Variants in GNB4 observed in about 807,000 individuals in gnomAD.
GNB4 encodes the protein guanine nucleotide-binding protein subunit beta-4.
In GNB4, 28 loss-of-function variants were observed where a neutral mutation model predicts 45.2. The observed-to-expected ratio is 0.62, with a 90% CI of 0.46 to 0.85. GNB4 has a LOEUF of 0.85. Ranked by LOEUF, GNB4 falls within the 40% of genes least tolerant of loss-of-function variation. GNB4 has a pLI of 0.00. For synonymous variants in GNB4, 132 were observed against 143.7 expected (o/e 0.92, Z 0.58); for missense variants, 321 against 425.4 (o/e 0.75, Z 2.16).
At chr3:179,408,218 G>GA (rs756814307) in intron 8 of GNB4, among the ~76,000 whole-genome samples, 2 of 151,762 alleles carry the variant, frequency 1.3e-5, no homozygotes, top group Admixed American at 6.6e-5. Flanking sequence ...TTAATCAGTT[G>GA]AAAAAAACAG....
chr3:179,482,995 C>T, the GNB4 span, among the ~76,000 whole-genome samples: 2,121 of 152,206 alleles, frequency 0.014, 24 homozygotes, highest in South Asian at 0.055. Context: ...ATCCATTGCA[C>T]CAGTTGTCTG....
the GNB4 span, among the ~76,000 whole-genome samples, chr3:179,520,635 T>C: frequency 2.0e-5 from 3 of 152,126 alleles, no homozygotes; most frequent in African/African-American, 7.2e-5. Context: ...TACTTTCTGC[T>C]CCCCGGCTCC....
chr3:179,423,048 C>T (rs1014213730), intron 2 of GNB4, among the ~76,000 whole-genome samples: 2 of 152,154 alleles, frequency 1.3e-5, no homozygotes, highest in Non-Finnish European at 1.5e-5. Context: ...GCCTCAGCCT[C>T]CCAAAGTGCT....
chr3:179,420,493 A>C (rs1451927972), intron 3 of GNB4, among the ~76,000 whole-genome samples: 1 of 148,654 alleles, frequency 6.7e-6, no homozygotes, highest in African/African-American at 2.5e-5. Flanking sequence ...ACGGCGTCTC[A>C]CTCTTCTCGC....
At chr3:179,435,883 T>C (rs1410656884) in intron 1 of GNB4, among the ~76,000 whole-genome samples, 2 of 152,234 alleles carry the variant, frequency 1.3e-5, no homozygotes, top group African/African-American at 4.8e-5. Context: ...TACACTTGCA[T>C]AATTCGAATG....
At chr3:179,499,093 CT>C in the GNB4 span, among the ~76,000 whole-genome samples, 1 of 151,422 alleles carries the variant, frequency 6.6e-6, no homozygotes, top group Non-Finnish European at 1.5e-5. Context: ...AGGACATTAA[CT>C]CATCCTTTTT....
chr3:179,402,747 G>A (rs1287740112), intron 9 of GNB4, among the ~76,000 whole-genome samples: 5 of 152,170 alleles, frequency 3.3e-5, no homozygotes, highest in African/African-American at 1.2e-4. Flanking sequence ...GTCCCTACTA[G>A]GTAGAACCAG....
the GNB4 span, among the ~76,000 whole-genome samples, chr3:179,498,748 G>GTTTTTTTTTTTTTTTTTTTTTTTTT: frequency 8.5e-6 from 1 of 117,596 alleles, no homozygotes; most frequent in Non-Finnish European, 1.7e-5. Context: ...GTTGAGGTTT[G>GTTTTTTTTTTTTTTTTTTTTTTTTT]GTTTTTTTTT....
rs530104053 is a variant in GNB4 at position 179,403,189 on chromosome 3, A to G, written c.917-1870T>C. 3.7e-3 allele frequency among the ~76,000 whole-genome samples: 560 copies of G among 152,278 alleles called. 3 individuals carry two copies. The highest frequency in any genetic ancestry group is 6.2e-3 in the Non-Finnish European group (420 of 68,032). ...TAAATGGAGGCCGAGTCAGCACACC[A>G]GCCACGTGCCCAGAGCTTCAAATGG... On this transcript the variant is annotated intron_variant, in intron 9 of 9. Transcript: ENST00000232564.
chr3:179,485,421 G>A, the GNB4 span, among the ~76,000 whole-genome samples: 1 of 152,094 alleles, frequency 6.6e-6, no homozygotes, highest in Non-Finnish European at 1.5e-5. Context: ...AGAAAGTCAA[G>A]ACTAGCCCTG....
chr3:179,426,132 A>G lies in GNB4; in HGVS notation c.57+12T>C. Reference sequence around the variant, plus strand: ...AAATAAGTGCTAACATTTTGAAATGAAAAGGTTTTACCTGAATCTGATTCC... The same window carrying G: ...AAATAAGTGCTAACATTTTGAAATGGAAAGGTTTTACCTGAATCTGATTCC... On this transcript the variant is annotated intron_variant, in intron 2 of 9. Transcript: ENST00000232564. The G allele has an allele frequency of 6.3e-7, 1 of 1,596,142 alleles. No individual in the cohort carries two copies. Among genetic ancestry groups the G allele is most frequent in the Non-Finnish European group, 8.5e-7 (1 of 1,173,704 alleles).
At chr3:179,409,820 CAAAAAAACAAAACAAA>C (rs1267493460) in intron 8 of GNB4, among the ~76,000 whole-genome samples, 5 of 101,462 alleles carry the variant, frequency 4.9e-5, no homozygotes, top group Admixed American at 4.2e-4. Context: ...AAAAAAAAAA[CAAAAAAACAAAACAAA>C]AAAAAAACTA....
At chr3:179,423,532 C>T (rs1009348881) in intron 2 of GNB4, among the ~76,000 whole-genome samples, 1 of 152,126 alleles carries the variant, frequency 6.6e-6, no homozygotes, top group Non-Finnish European at 1.5e-5. Flanking sequence ...GCCTGTAATC[C>T]CAGCACTTTG....
the GNB4 span, among the ~76,000 whole-genome samples, chr3:179,496,106 A>G: frequency 1.3e-5 from 2 of 152,218 alleles, no homozygotes; most frequent in Non-Finnish European, 2.9e-5. Context: ...TACAAAGACA[A>G]AAGTATTTAG....
At chr3:179,415,608 C>G (rs1474210429) in intron 5 of GNB4, among the ~76,000 whole-genome samples, 2 of 150,736 alleles carry the variant, frequency 1.3e-5, no homozygotes, top group Non-Finnish European at 2.9e-5. Flanking sequence ...CCTTGTTACC[C>G]TAACACCAAT....
At chr3:179,509,168 TACACACACACACAC>T in the GNB4 span, among the ~76,000 whole-genome samples, 15 of 146,988 alleles carry the variant, frequency 1.0e-4, no homozygotes, top group South Asian at 3.3e-3. Context: ...TATATATACA[TACACACACACACAC>T]ACACACACAC....
chr3:179,421,617 C>T (rs886181866), intron 2 of GNB4, among the ~76,000 whole-genome samples: 2 of 152,114 alleles, frequency 1.3e-5, no homozygotes, highest in South Asian at 2.1e-4. Context: ...GCAAGGAGAA[C>T]GCACAAGATG....
intron 1 of GNB4, among the ~76,000 whole-genome samples, chr3:179,442,141 T>C (rs1380512961): frequency 6.6e-6 from 1 of 152,202 alleles, no homozygotes; most frequent in Non-Finnish European, 1.5e-5. Flanking sequence ...ATCACTATAA[T>C]CATATTACAG....
intron 1 of GNB4, among the ~76,000 whole-genome samples, chr3:179,444,797 G>A (rs550421219): frequency 1.1e-4 from 17 of 151,982 alleles, no homozygotes; most frequent in Non-Finnish European, 2.4e-4. Flanking sequence ...AACTAGCCAC[G>A]GTAAGCCTTT....
Sources: allele counts gnomAD v4.1 joint callset (sites outside exome capture counted in the v4.1 genomes callset), GRCh38; gene constraint gnomAD v4.1.1; transcripts MANE v1.5; gene names NCBI Gene and HGNC (gene_info 2026-07-23, HGNC 2026-07-21).